The following BACH2 variants were observed in gnomAD, a reference collection of about 807,000 sequenced individuals.
The protein encoded by BACH2 is BACH transcriptional regulator 2.
Under a neutral mutation model 61.8 loss-of-function variants are expected in BACH2, and 5 were observed. The ratio of observed to expected loss-of-function variants is 0.08; its 90% confidence interval spans 0.04 to 0.17. The LOEUF (loss-of-function observed/expected upper bound fraction) is 0.17. BACH2 is among the 10% of genes least tolerant of loss of function. BACH2 has a pLI of 1.00. For synonymous variants in BACH2, 446 were observed against 440.1 expected (o/e 1.01, Z -0.17); for missense variants, 824 against 1,091.1 (o/e 0.76, Z 3.45).
chr6:90,281,179 G>A (rs1370048476), intron 1 of BACH2, among the ~76,000 whole-genome samples: 2 of 152,170 alleles, frequency 1.3e-5, no homozygotes, highest in South Asian at 2.1e-4. Flanking sequence ...AGGAGGTGTC[G>A]CCTTCTGTAA....
At chr6:90,113,419 G>T (rs1346167750) in intron 4 of BACH2, among the ~76,000 whole-genome samples, 3 of 152,058 alleles carry the variant, frequency 2.0e-5, no homozygotes, top group African/African-American at 7.2e-5. Context: ...AATAAAAATA[G>T]AAGTCAACAC....
chr6:90,089,676 T>C (rs148457597), intron 4 of BACH2, among the ~76,000 whole-genome samples: 1 of 152,136 alleles, frequency 6.6e-6, no homozygotes, highest in African/African-American at 2.4e-5. Context: ...AAAATAAAGA[T>C]CAATGGTAAC....
At position 90,103,029 on chromosome 6, in the gene BACH2, A is replaced by ATATT; in HGVS notation, c.-161-13921_-161-13920insAATA. Among the ~76,000 whole-genome samples, 37 of 21,164 alleles carry ATATT rather than the reference A, an allele frequency of 1.7e-3. 1 individual carries two copies. The highest frequency in any genetic ancestry group is 7.5e-3 in the South Asian group (3 of 400). The allele number at this position is 21,164 out of a possible 152,430, so 13.9% of individuals were successfully genotyped here. ...TACATATATATATATATATATATATATTTTTTTTTTTTTTTTTTTTTTACC... is the reference window on the plus strand; with the variant it reads ...TACATATATATATATATATATATATATATTTTTTTTTTTTTTTTTTTTTTTTACC... On this transcript the variant is annotated intron_variant, in intron 4 of 8. Coordinates refer to ENST00000257749, the MANE Select transcript of BACH2 (RefSeq NM_021813.4).
At chr6:90,271,081 T>C (rs1330900793) in intron 2 of BACH2, among the ~76,000 whole-genome samples, 1 of 152,102 alleles carries the variant, frequency 6.6e-6, no homozygotes, top group East Asian at 1.9e-4. Context: ...CAACTCAAGA[T>C]GAATCAAAGA....
intron 4 of BACH2, among the ~76,000 whole-genome samples, chr6:90,189,788 G>A (rs1403993969): frequency 6.6e-6 from 1 of 152,100 alleles, no homozygotes; most frequent in Non-Finnish European, 1.5e-5. Flanking sequence ...TCTTGCTTCA[G>A]GTTGGTTAAT....
chr6:89,985,119 G>GT (rs1562346000), intron 6 of BACH2, among the ~76,000 whole-genome samples: 1 of 152,172 alleles, frequency 6.6e-6, no homozygotes, highest in Admixed American at 6.5e-5. Flanking sequence ...GTACTAACAG[G>GT]TAGCAAAGTG....
intron 6 of BACH2, among the ~76,000 whole-genome samples, chr6:89,970,317 A>G (rs1229223533): frequency 1.3e-5 from 2 of 150,406 alleles, no homozygotes; most frequent in Non-Finnish European, 3.0e-5. Context: ...GGCTTTGATG[A>G]TCTTTCCACC....
intron 6 of BACH2, among the ~76,000 whole-genome samples, chr6:89,986,629 C>T (rs186025148): frequency 4.6e-5 from 7 of 152,176 alleles, no homozygotes; most frequent in African/African-American, 7.2e-5. Flanking sequence ...CCTTTCCACC[C>T]GCTCTCTGAA....
At chr6:90,195,563 C>T (rs142814306) in intron 4 of BACH2, among the ~76,000 whole-genome samples, 19 of 152,226 alleles carry the variant, frequency 1.2e-4, no homozygotes, top group Admixed American at 2.0e-4. Flanking sequence ...CGTGATTCAG[C>T]GGATTCTAAG....
intron 4 of BACH2, among the ~76,000 whole-genome samples, chr6:90,115,573 G>A (rs1409286474): frequency 6.6e-6 from 1 of 152,062 alleles, no homozygotes; most frequent in Non-Finnish European, 1.5e-5. Flanking sequence ...AACCCTGGAA[G>A]ACAACCTGGG....
intron 5 of BACH2, among the ~76,000 whole-genome samples, chr6:90,037,418 A>G (rs1391595859): frequency 1.3e-5 from 2 of 152,278 alleles, no homozygotes; most frequent in Admixed American, 6.5e-5. Flanking sequence ...GAAGGAGGCT[A>G]GTAAAGGAGC....
chr6:90,070,123 C>G (rs896813612), intron 5 of BACH2, among the ~76,000 whole-genome samples: 1 of 152,166 alleles, frequency 6.6e-6, no homozygotes, highest in Non-Finnish European at 1.5e-5. Flanking sequence ...GTCCATTGTA[C>G]TGGTGACAAA....
intron 5 of BACH2, among the ~76,000 whole-genome samples, chr6:90,054,514 C>T (rs577243157): frequency 1.9e-4 from 29 of 152,344 alleles, no homozygotes; most frequent in African/African-American, 6.7e-4. Flanking sequence ...CTCAAGGAGG[C>T]CTGCCTGCCT....
intron 4 of BACH2, among the ~76,000 whole-genome samples, chr6:90,123,791 AAAG>A (rs1374135700): frequency 5.3e-5 from 8 of 149,820 alleles, no homozygotes; most frequent in Non-Finnish European, 7.4e-5. Context: ...AAAAAAAAAA[AAAG>A]AAGACCGGTG....
rs563299729 is a variant in BACH2, at chr6:89,991,714, AT to A, written c.243+16887del. Among the ~76,000 whole-genome samples the A allele has an allele frequency of 2.5e-3, 374 of 147,226 alleles. 2 individuals carry two copies. Among genetic ancestry groups the A allele is most frequent in the African/African-American group, 7.0e-3 (281 of 40,404 alleles). ...AGTGCTCCAAGGATGTCCTTTATAG[AT>A]TTTTTTTTTTTCAATCTGGGAGCCA... is the stretch of plus-strand genomic sequence containing the variant. On this transcript the variant is annotated intron_variant, in intron 6 of 8. Transcript: ENST00000257749.
chr6:90,282,284 G>C (rs1041309606), intron 1 of BACH2, among the ~76,000 whole-genome samples: 14 of 152,156 alleles, frequency 9.2e-5, no homozygotes, highest in African/African-American at 2.9e-4. Flanking sequence ...GTATCCATTA[G>C]TTATTTTCCC....
intron 4 of BACH2, among the ~76,000 whole-genome samples, chr6:90,152,997 G>A (rs1332774117): frequency 1.3e-5 from 2 of 152,126 alleles, no homozygotes; most frequent in Non-Finnish European, 2.9e-5. Context: ...AAGCGTTCTC[G>A]TATCAAATCT....
intron 3 of BACH2, among the ~76,000 whole-genome samples, chr6:90,229,216 TGGGAGGCCGAGG>T (rs1232785548): frequency 1.3e-5 from 2 of 152,170 alleles, no homozygotes; most frequent in Admixed American, 1.3e-4. Flanking sequence ...CCTAGCACTT[TGGGAGGCCGAGG>T]CAGGCGGATG....
At chr6:90,201,872 T>G (rs1768967629) in intron 4 of BACH2, among the ~76,000 whole-genome samples, 1 of 152,212 alleles carries the variant, frequency 6.6e-6, no homozygotes, top group South Asian at 2.1e-4. Flanking sequence ...AAATATAGAT[T>G]GGACATTTGG....
Sources: gnomAD v4.1 joint callset for allele counts (sites outside exome capture counted in the v4.1 genomes callset) on GRCh38, gnomAD v4.1.1 for gene constraint, MANE v1.5 for transcripts, NCBI Gene and HGNC (gene_info 2026-07-23, HGNC 2026-07-21) for gene names.